Variants in GNL2 observed in about 807,000 individuals in gnomAD.
GNL2 encodes the protein G protein nucleolar 2.
GNL2 carries 51 observed loss-of-function variants against 92.3 expected under a neutral mutation model. The ratio of observed to expected loss-of-function variants is 0.55; its 90% CI spans 0.44 to 0.70. The LOEUF (loss-of-function observed/expected upper bound fraction) is 0.70. Ranked by LOEUF, GNL2 falls within the 30% of genes least tolerant of loss-of-function variation. The pLI is 0.00. For synonymous variants in GNL2, 283 were observed against 300.6 expected (o/e 0.94, Z 0.61); for missense variants, 844 against 895.6 (o/e 0.94, Z 0.74).
chr1:37,581,035 C>T (rs1448701401), intron 8 of GNL2, among the ~76,000 whole-genome samples: 2 of 152,156 alleles, frequency 1.3e-5, no homozygotes, highest in Non-Finnish European at 1.5e-5. Flanking sequence ...ATGAATAATA[C>T]TGTAACCCAA....
chr1:37,576,494 G>A lies in GNL2; in HGVS notation c.972C>T (p.Ser324=), dbSNP rs944474255. 1 of 1,613,914 alleles carries A rather than the reference G, an allele frequency of 6.2e-7. No individual in the cohort carries two copies. The highest frequency in any genetic ancestry group is 8.5e-7 in the Non-Finnish European group (1 of 1,179,772). ...GFIGYPNVGK[S]SVINTLRSKK... ...TAGAACGCAATGTATTTATCACAGA[G>A]CTCTTGCCAACATTTGGATAGCCAA... Residue 324 remains serine, a synonymous_variant, in exon 9 of 16, where the codon AGC becomes AGT. Transcript: ENST00000373062.
chr1:37,569,608 G>T, intron 12 of GNL2: 1 of 280,894 alleles, frequency 3.6e-6, no homozygotes, highest in Non-Finnish European at 6.7e-6. Context: ...CTTCCCTAGG[G>T]GGCTGCTGAT....
At chr1:37,589,507 C>T (rs1019963162) in intron 4 of GNL2, among the ~76,000 whole-genome samples, 1 of 152,192 alleles carries the variant, frequency 6.6e-6, no homozygotes, top group Admixed American at 6.5e-5. Flanking sequence ...CGGGATTTCA[C>T]GTGTTAGCCA....
At position 37,566,903 on chromosome 1, in the gene GNL2, G is replaced by A; in HGVS notation, c.2148C>T (p.Asp716=). 6.2e-7 allele frequency: 1 copy of A among 1,614,022 alleles called. No individual in the cohort carries two copies. Among genetic ancestry groups the A allele is most frequent in the Non-Finnish European group, 8.5e-7 (1 of 1,179,950 alleles). The change falls in exon 16 of 16, where the codon GAC becomes GAT. Residue 716 remains aspartate, a synonymous_variant. Transcript: ENST00000373062. ...NRNRNKKKTN[D]SEGQKHKRKK... ...TGCGTTTGTGTTTCTGTCCCTCTGA[G>A]TCATTGGTCTTCTTTTTGTTCCTGT... is the stretch of plus-strand genomic sequence containing the variant.
intron 6 of GNL2, among the ~76,000 whole-genome samples, chr1:37,583,541 G>A (rs1643805584): frequency 6.6e-6 from 1 of 152,012 alleles, no homozygotes; most frequent in African/African-American, 2.4e-5. Context: ...GGAGAGGGGT[G>A]GACTAAATAA....
chr1:37,591,568 C>CA (rs370473664), intron 3 of GNL2, among the ~76,000 whole-genome samples: 5 of 148,486 alleles, frequency 3.4e-5, no homozygotes, highest in African/African-American at 1.2e-4. Flanking sequence ...TGCAGTGGCA[C>CA]AATCTCAGCT....
chr1:37,567,138 G>A, intron 15 of GNL2, 131 bp from the exon 16 acceptor site: 1 of 917,488 alleles, frequency 1.1e-6, no homozygotes, highest in Non-Finnish European at 1.6e-6. Flanking sequence ...ACTGGAAGCA[G>A]TGCTAATGAG....
intron 12 of GNL2, among the ~76,000 whole-genome samples, chr1:37,573,131 C>T (rs1329660816): frequency 6.6e-6 from 1 of 152,094 alleles, no homozygotes; most frequent in African/African-American, 2.4e-5. Flanking sequence ...AGATGCAATA[C>T]ACATGAAGAG....
chr1:37,577,335 G>C (rs1236257712), intron 8 of GNL2, among the ~76,000 whole-genome samples: 1 of 152,076 alleles, frequency 6.6e-6, no homozygotes, highest in Non-Finnish European at 1.5e-5. Flanking sequence ...CGACTACAGG[G>C]TGAAAGTCTC....
chr1:37,594,959 A>ACTC (rs1354964402), intron 1 of GNL2, among the ~76,000 whole-genome samples: 1 of 151,968 alleles, frequency 6.6e-6, no homozygotes, highest in South Asian at 2.1e-4. Flanking sequence ...CTCTACTACT[A>ACTC]CTCACTAACT....
chr1:37,583,996 G>C (rs895157425), intron 5 of GNL2, 63 bp from the exon 6 acceptor site: 4 of 950,440 alleles, frequency 4.2e-6, no homozygotes, highest in Non-Finnish European at 6.9e-6. Context: ...GGATGCTTTA[G>C]GGTAAAGTCA....
intron 8 of GNL2, among the ~76,000 whole-genome samples, chr1:37,576,789 T>C (rs987431542): frequency 1.3e-5 from 2 of 152,160 alleles, no homozygotes; most frequent in Admixed American, 6.5e-5. Context: ...TATCCTTGTA[T>C]GTGTTAAGGT....
At position 37,566,972 on chromosome 1, in the gene GNL2, T is replaced by C; in HGVS notation, c.2079A>G (p.Lys693=). 6.2e-7 allele frequency: 1 copy of C among 1,613,974 alleles called. No individual in the cohort carries two copies. Among genetic ancestry groups the C allele is most frequent in the Non-Finnish European group, 8.5e-7 (1 of 1,179,890 alleles). ...GTGTTTCATAGTAGCGCACACCAACTTTTTTCGGCCGTTGCTGTCGTACTG... is the reference window on the plus strand; with the variant it reads ...GTGTTTCATAGTAGCGCACACCAACCTTTTTCGGCCGTTGCTGTCGTACTG... The part of the protein sequence containing the change: ...RRAVRQQRPK[K]VGVRYYETHN... The change falls in exon 16 of 16, where the codon AAA becomes AAG. Residue 693 remains lysine, a synonymous_variant. Coordinates refer to ENST00000373062, the MANE Select transcript of GNL2 (RefSeq NM_013285.3).
At chr1:37,569,415 T>C (rs529019291) in intron 12 of GNL2, 113 bp from the exon 13 acceptor site, 24 of 679,346 alleles carry the variant, frequency 3.5e-5, no homozygotes, top group Admixed American at 3.5e-4. Flanking sequence ...AGGGAAGGTA[T>C]TGAAAACACC....
At chr1:37,591,315 G>C (rs1386487555) in intron 3 of GNL2, among the ~76,000 whole-genome samples, 1 of 152,088 alleles carries the variant, frequency 6.6e-6, no homozygotes. Context: ...CCATGCAAGG[G>C]AACAAGATAG....
At chr1:37,571,614 T>A (rs1174387995) in intron 12 of GNL2, among the ~76,000 whole-genome samples, 2 of 152,142 alleles carry the variant, frequency 1.3e-5, no homozygotes, top group East Asian at 3.9e-4. Flanking sequence ...AAACTCCTCG[T>A]GGAAATGATT....
In GNL2 at chr1:37,594,278, C is replaced by A. The variant is rs150232814; in HGVS notation, c.65-432G>T. On this transcript the variant is annotated intron_variant, in intron 1 of 15. Transcript: ENST00000373062. Reference sequence around the variant, plus strand: ...GAATTTGTACATGAGCATTTGATCACCATCTATGGTCTTAACCACGAAGAT... The same window carrying A: ...GAATTTGTACATGAGCATTTGATCAACATCTATGGTCTTAACCACGAAGAT... Among the ~76,000 whole-genome samples the A allele has an allele frequency of 7.4e-3, 1,124 of 152,304 alleles. 13 individuals are homozygous for A. Among genetic ancestry groups the A allele is most frequent in the African/African-American group, 0.026 (1,068 of 41,562 alleles).
At chr1:37,593,577 GC>G (rs1271038871) in intron 2 of GNL2, 184 bp downstream of exon 2, 2 of 521,876 alleles carry the variant, frequency 3.8e-6, no homozygotes, top group Non-Finnish European at 6.8e-6. Context: ...TTCACCGCCA[GC>G]TACCCATGTC....
chr1:37,592,194 G>A (rs905333048), intron 3 of GNL2, among the ~76,000 whole-genome samples: 7 of 152,210 alleles, frequency 4.6e-5, no homozygotes, highest in Non-Finnish European at 5.9e-5. Flanking sequence ...AGACTGAAAT[G>A]AGACAGGGAG....
Sources: gnomAD v4.1 joint callset for allele counts (sites outside exome capture counted in the v4.1 genomes callset) on GRCh38, gnomAD v4.1.1 for gene constraint, MANE v1.5 for transcripts, NCBI Gene and HGNC (gene_info 2026-07-23, HGNC 2026-07-21) for gene names.